ANKRD18A: variants seen among roughly 807,000 people sequenced by gnomAD.
ANKRD18A encodes ankyrin repeat domain-containing protein 18A.
In ANKRD18A, 72 loss-of-function variants were observed where a neutral mutation model predicts 110.6. That is an observed-to-expected ratio of 0.65 (90% CI 0.54 to 0.79). ANKRD18A has a LOEUF of 0.79. ANKRD18A is among the 30% of genes least tolerant of loss of function. ANKRD18A has a pLI of 0.00. For missense variants in ANKRD18A, 934 were observed against 1,163.3 expected (o/e 0.80, Z 2.87); for synonymous variants, 305 against 410.3 (o/e 0.74, Z 3.10).
the ANKRD18A span, chr9:38,566,356 C>T: frequency 6.6e-6 from 1 of 152,186 alleles, no homozygotes; most frequent in Non-Finnish European, 1.5e-5. Context: ...AGTGGTGGTA[C>T]AGGCATTGTG....
chr9:38,616,068 A>C (rs1825845007), intron 1 of ANKRD18A, 24 bp from the exon 2 acceptor site: 1 of 1,505,668 alleles, frequency 6.6e-7, no homozygotes, highest in African/African-American at 1.4e-5. Flanking sequence ...AGGGGTTTTC[A>C]GGAAATGTAG....
At chr9:38,610,857 TATAATA>T (rs55823641) in intron 4 of ANKRD18A, among the ~76,000 whole-genome samples, 3 of 133,776 alleles carry the variant, frequency 2.2e-5, no homozygotes, top group Admixed American at 7.4e-5. Context: ...CAGCAACAAC[TATAATA>T]ATAATAATAA....
At chr9:38,591,528 G>A (rs1376625850) in intron 10 of ANKRD18A, among the ~76,000 whole-genome samples, 1 of 152,140 alleles carries the variant, frequency 6.6e-6, no homozygotes, top group Non-Finnish European at 1.5e-5. Context: ...TTGCTTAGAA[G>A]CACTTAGAAG....
chr9:38,567,213 T>G (rs1563948582), downstream of ANKRD18A: 1 of 152,372 alleles, frequency 6.6e-6, no homozygotes, highest in African/African-American at 2.4e-5. Context: ...ACTGTTTCTA[T>G]TCTATCGCCA....
intron 12 of ANKRD18A, among the ~76,000 whole-genome samples, chr9:38,584,835 A>C (rs921154683): frequency 6.6e-6 from 1 of 152,134 alleles, no homozygotes; most frequent in Non-Finnish European, 1.5e-5. Flanking sequence ...TTTCTATCTA[A>C]AGGGTCTGGG....
chr9:38,580,439 A>G (rs1461510235), intron 12 of ANKRD18A, among the ~76,000 whole-genome samples: 2 of 152,166 alleles, frequency 1.3e-5, no homozygotes, highest in Admixed American at 6.5e-5. Flanking sequence ...AACAACAAAA[A>G]AGCTCATAGA....
intron 12 of ANKRD18A, among the ~76,000 whole-genome samples, chr9:38,580,885 G>T (rs1824132905): frequency 6.6e-6 from 1 of 151,710 alleles, no homozygotes; most frequent in South Asian, 2.1e-4. Context: ...CCCCCAGATT[G>T]TGAGAGAGAT....
intron 5 of ANKRD18A, among the ~76,000 whole-genome samples, chr9:38,608,141 T>A (rs867506580): frequency 1.3e-5 from 2 of 152,312 alleles, no homozygotes; most frequent in South Asian, 4.1e-4. Context: ...TAAATTTATA[T>A]ACAAATATAT....
intron 7 of ANKRD18A, among the ~76,000 whole-genome samples, chr9:38,601,682 A>T (rs1825121826): frequency 6.6e-6 from 1 of 152,078 alleles, no homozygotes; most frequent in African/African-American, 2.4e-5. Flanking sequence ...TGAGGAATTT[A>T]TTTTTGTGTT....
rs1381575894 is a variant in ANKRD18A at position 38,595,888 on chromosome 9, A to T, written c.1452T>A (p.Asn484Lys). The stretch of plus-strand genomic sequence containing the variant: ...TCTCACGGAGCTTACCTTTTAAGGT[A>T]TTGAACTTCACCCGAGCTTTATGGA... The part of the protein sequence containing the change: ...EQVHKARVKF[N>K]TLKGKLRETR... The change falls in exon 9 of 16, where the codon AAT becomes AAA. Residue 484 changes from asparagine (N) to lysine (K), a missense_variant. By Grantham distance (94) the Asn-to-Lys change is moderately conservative (BLOSUM62 0). Around this residue, in one of 4 missense-constraint regions of ANKRD18A, gnomAD observed 630 missense variants for 797.5 expected, o/e 0.79. Transcript: ENST00000399703. 6.4e-7 allele frequency: 1 copy of T among 1,551,222 alleles called. No homozygotes were observed. The highest frequency in any genetic ancestry group is 8.7e-7 in the Non-Finnish European group (1 of 1,146,712).
intron 6 of ANKRD18A, among the ~76,000 whole-genome samples, chr9:38,605,682 C>T (rs1034664629): frequency 6.6e-6 from 1 of 151,996 alleles, no homozygotes; most frequent in Admixed American, 6.6e-5. Flanking sequence ...TGGTGCATTC[C>T]GGCTCACTGC....
intron 12 of ANKRD18A, among the ~76,000 whole-genome samples, chr9:38,583,788 A>C (rs1169796407): frequency 6.6e-6 from 1 of 152,214 alleles, no homozygotes; most frequent in African/African-American, 2.4e-5. Flanking sequence ...CATACAATGG[A>C]ATATTTCTCA....
rs775897263 is a variant in ANKRD18A at position 38,571,971 on chromosome 9, T to C, written c.*74A>G. On this transcript the variant is annotated 3_prime_UTR_variant, in exon 16 of 16. Coordinates refer to ENST00000399703, the MANE Select transcript of ANKRD18A (RefSeq NM_147195.4). ...TAAATCATACAACTTTTCCTTAAGA[T>C]TTTATGGTTAATCTCTTCATTAGAT... 1 of 1,500,968 alleles carries C rather than the reference T, an allele frequency of 6.7e-7. No individual in the cohort carries two copies. 93.0% of individuals were successfully genotyped at this position (1,500,968 alleles called of 1,614,324 possible).
chr9:38,620,515 T>C lies in ANKRD18A; in HGVS notation c.-230A>G. On this transcript the variant is annotated 5_prime_UTR_variant, in exon 1 of 16. Transcript: ENST00000399703. Reference sequence around the variant, plus strand: ...GCCTTCAGCAGCGACACTCGCAGACTCCGACCTCTCAGACCGAGTGAGCCC... The same window carrying C: ...GCCTTCAGCAGCGACACTCGCAGACCCCGACCTCTCAGACCGAGTGAGCCC... The C allele has an allele frequency of 2.9e-6, 4 of 1,381,622 alleles. No homozygotes were observed. Among genetic ancestry groups the C allele is most frequent in the Non-Finnish European group, 3.8e-6 (4 of 1,065,134 alleles). 85.6% of individuals were successfully genotyped at this position (1,381,622 alleles called of 1,614,324 possible).
At chr9:38,573,723 A>G (rs1214662877) in intron 15 of ANKRD18A, among the ~76,000 whole-genome samples, 2 of 149,468 alleles carry the variant, frequency 1.3e-5, no homozygotes, top group African/African-American at 2.5e-5. Context: ...CAAAAAAAAG[A>G]AAAAAAAAAG....
chr9:38,615,765 A>T lies in ANKRD18A; in HGVS notation c.324T>A (p.Ala108=). 6.2e-7 allele frequency: 1 copy of T among 1,611,342 alleles called. No individual in the cohort carries two copies. The highest frequency in any genetic ancestry group is 1.3e-5 in the African/African-American group (1 of 74,944). ...DRLNRTPLMK[A]VHSQEEACAI... ...CACAAGCCTCTTCCTGGCTGTGTAC[A>T]GCCTATTAGTGTTAGATAAAAAACT... The change falls in exon 3 of 16, where the codon GCT becomes GCA. Residue 108 remains alanine, a splice_region_variant and synonymous_variant. Coordinates refer to ENST00000399703, the MANE Select transcript of ANKRD18A (RefSeq NM_147195.4).
intron 8 of ANKRD18A, among the ~76,000 whole-genome samples, chr9:38,597,156 C>T (rs1194840095): frequency 6.6e-6 from 1 of 152,118 alleles, no homozygotes; most frequent in Non-Finnish European, 1.5e-5. Context: ...GTGTCTTCTG[C>T]CTTTGTCACC....
rs749401257 is a variant in ANKRD18A, at chr9:38,595,659, C to T, written c.1681G>A (p.Glu561Lys). The T allele has an allele frequency of 3.2e-6, 5 of 1,551,214 alleles. No individual in the cohort carries two copies. In the South Asian group the frequency reaches 4.8e-5, roughly 15 times the overall value. Residue 561 changes from glutamate to lysine, a missense_variant, in exon 9 of 16, where the codon GAG becomes AAG. Coordinates refer to ENST00000399703, the MANE Select transcript of ANKRD18A (RefSeq NM_147195.4). ...TTATCGCCTTCCTTACGAGCATCCT[C>T]TAGTTGTCGTTCAAGCAAGAGATTT... is the stretch of plus-strand genomic sequence containing the variant. ...LENLLLERQL[E>K]DARKEGDNKE...
chr9:38,602,668 T>C (rs1825171339), intron 7 of ANKRD18A, among the ~76,000 whole-genome samples: 1 of 152,188 alleles, frequency 6.6e-6, no homozygotes, highest in African/African-American at 2.4e-5. Context: ...TATCTTATCT[T>C]ATTTGACTTG....
Sources: allele counts gnomAD v4.1 joint callset (sites outside exome capture counted in the v4.1 genomes callset), GRCh38; gene constraint gnomAD v4.1.1; regional missense constraint gnomAD v4.1.1; transcripts MANE v1.5; gene names NCBI Gene and HGNC (gene_info 2026-07-23, HGNC 2026-07-21).